The following TF variants were observed in gnomAD, a reference collection of about 807,000 sequenced individuals.
TF encodes serotransferrin.
In TF, 55 loss-of-function variants were observed where a neutral mutation model predicts 82.4. The ratio of observed to expected loss-of-function variants is 0.67; its 90% CI spans 0.54 to 0.84. The LOEUF (loss-of-function observed/expected upper bound fraction) is 0.84. TF is among the 40% of genes least tolerant of loss of function. The probability of loss-of-function intolerance (pLI) is 0.00; values close to 1 mark genes in which losing one functional copy is unlikely to be tolerated. For missense variants in TF, 737 were observed against 868.4 expected, an observed-to-expected ratio of 0.85 and a Z score of 1.90; for synonymous variants, 332 against 332.6, an observed-to-expected ratio of 1.00 and a Z score of 0.02.
the TF span, among the ~76,000 whole-genome samples, chr3:133,679,167 G>A: frequency 6.9e-4 from 105 of 152,126 alleles, no homozygotes; most frequent in African/African-American, 2.4e-3. Flanking sequence ...CACCACACCC[G>A]GCCAGCCCAG....
upstream of TF, among the ~76,000 whole-genome samples, chr3:133,742,601 C>T (rs1234983993): frequency 6.6e-6 from 1 of 152,138 alleles, no homozygotes; most frequent in African/African-American, 2.4e-5. Flanking sequence ...TGCAGGGTGA[C>T]TGATTTCGTG....
At chr3:133,678,851 T>TTTTTGTTTTGTTTTGTTTTG in the TF span, among the ~76,000 whole-genome samples, 1 of 149,440 alleles carries the variant, frequency 6.7e-6, no homozygotes, top group East Asian at 2.0e-4. Context: ...GCCCAGCTAT[T>TTTTTGTTTTGTTTTGTTTTG]TTTTGTTTTG....
At chr3:133,714,930 G>C in the TF span, among the ~76,000 whole-genome samples, 2,041 of 152,098 alleles carry the variant, frequency 0.013, 44 homozygotes, top group African/African-American at 0.045. Flanking sequence ...TGATCCACCC[G>C]CCTCGGCCTC....
At position 133,759,036 on chromosome 3, in the gene TF, G is replaced by A. The variant is rs72561468; in HGVS notation, c.1049-139G>A. ...TTGTGCATTGACTTTGCTTTCTAAGGTGATTAATTCCTTGAATGGGGTCTG... is the reference window on the plus strand; with the variant it reads ...TTGTGCATTGACTTTGCTTTCTAAGATGATTAATTCCTTGAATGGGGTCTG... On this transcript the variant is annotated intron_variant, in intron 8 of 16. Transcript: ENST00000402696. 150 of 1,135,534 alleles carry A rather than the reference G, an allele frequency of 1.3e-4. No homozygotes were observed. The Admixed American group carries it at 1.4e-3, about 10-fold the overall frequency. 70.3% of individuals were successfully genotyped at this position (1,135,534 alleles called of 1,614,324 possible).
At chr3:133,690,865 A>C in the TF span, among the ~76,000 whole-genome samples, 2 of 152,166 alleles carry the variant, frequency 1.3e-5, no homozygotes, top group African/African-American at 4.8e-5. Context: ...TCTCATCTTG[A>C]TGGTGTTCAC....
chr3:133,742,596 G>C (rs1306093121), upstream of TF, among the ~76,000 whole-genome samples: 1 of 152,124 alleles, frequency 6.6e-6, no homozygotes, highest in Non-Finnish European at 1.5e-5. Flanking sequence ...GGGCTTGCAG[G>C]GTGACTGATT....
At chr3:133,729,804 C>A in the TF span, among the ~76,000 whole-genome samples, 1 of 152,038 alleles carries the variant, frequency 6.6e-6, no homozygotes, top group African/African-American at 2.4e-5. Flanking sequence ...CATCTTGGCT[C>A]CTCCCCCCCG....
intron 1 of TF, chr3:133,748,203 G>A: frequency 9.4e-6 from 6 of 638,398 alleles, no homozygotes; most frequent in Non-Finnish European, 1.7e-5. Flanking sequence ...GCAGAGGGTG[G>A]TCAGTAGGAA....
chr3:133,685,675 A>C, the TF span, among the ~76,000 whole-genome samples: 1 of 152,220 alleles, frequency 6.6e-6, no homozygotes, highest in East Asian at 1.9e-4. Flanking sequence ...AAGAACTACA[A>C]ACCACTACTC....
At chr3:133,701,073 G>A in the TF span, 1 of 152,640 alleles carries the variant, frequency 6.6e-6, no homozygotes, top group Non-Finnish European at 1.5e-5. Context: ...GTCCCGGGAG[G>A]GACCTGGCCA....
At chr3:133,668,254 G>A in the TF span, among the ~76,000 whole-genome samples, 5 of 152,232 alleles carry the variant, frequency 3.3e-5, no homozygotes, top group South Asian at 2.1e-4. Flanking sequence ...TCAAATTTTC[G>A]CAGCACAAGT....
rs1336344456 is a variant in TF, at chr3:133,782,913, C to A, written c.*4293C>A. 3 of 152,212 alleles carry A rather than the reference C, an allele frequency of 2.0e-5. No homozygotes were observed. Among genetic ancestry groups the A allele is most frequent in the Non-Finnish European group, 2.9e-5 (2 of 68,056 alleles). The allele number at this position is 152,212 out of a possible 1,614,324, so 9.4% of individuals were successfully genotyped here. On this transcript the variant is annotated 3_prime_UTR_variant, in exon 17 of 17. Transcript: ENST00000402696. ...GGAGTGCTGGTGCCCACCTGTAGTC[C>A]CAGCTACTCAGGAGGATGGATTGAG...
At chr3:133,686,818 CA>C in the TF span, among the ~76,000 whole-genome samples, 47,047 of 152,008 alleles carry the variant, frequency 0.31, 7,685 homozygotes, top group East Asian at 0.48. Context: ...CTAGAAGTAC[CA>C]TTTTACCCAA....
chr3:133,673,720 T>G, the TF span, among the ~76,000 whole-genome samples: 2 of 150,184 alleles, frequency 1.3e-5, no homozygotes, highest in Non-Finnish European at 3.0e-5. Context: ...CAGCTTTGTT[T>G]GTTAACGTTT....
chr3:133,723,509 TTAAAA>T, the TF span, among the ~76,000 whole-genome samples: 2 of 149,876 alleles, frequency 1.3e-5, no homozygotes, highest in South Asian at 4.2e-4. Context: ...CTGGGTTACT[TTAAAA>T]TAACTATCTT....
At chr3:133,679,343 T>C in the TF span, among the ~76,000 whole-genome samples, 4 of 152,224 alleles carry the variant, frequency 2.6e-5, no homozygotes, top group Non-Finnish European at 4.4e-5. Context: ...TTTATTGATG[T>C]ATGATTTACC....
the TF span, among the ~76,000 whole-genome samples, chr3:133,676,802 GTC>G: frequency 6.6e-6 from 1 of 152,204 alleles, no homozygotes; most frequent in East Asian, 1.9e-4. Context: ...TTCTTCCTCT[GTC>G]TCTCGTCCTG....
At chr3:133,709,673 G>C in the TF span, 2 of 154,914 alleles carry the variant, frequency 1.3e-5, no homozygotes, top group Non-Finnish European at 2.9e-5. Context: ...AATGTGGTGA[G>C]TATGTTCTGG....
intron 4 of TF, 70 bp from the exon 5 acceptor site, chr3:133,755,293 G>T: frequency 6.2e-7 from 1 of 1,610,568 alleles, no homozygotes; most frequent in South Asian, 1.1e-5. Context: ...GATGGGCCTG[G>T]GTGGGGTGAT....
Sources: allele counts gnomAD v4.1 joint callset (sites outside exome capture counted in the v4.1 genomes callset), GRCh38; gene constraint gnomAD v4.1.1; transcripts MANE v1.5; gene names NCBI Gene and HGNC (gene_info 2026-07-23, HGNC 2026-07-21).